The following ERBB4 variants were observed in gnomAD, a reference collection of about 807,000 sequenced individuals.
ERBB4 encodes the protein erb-b2 receptor tyrosine kinase 4.
ERBB4 carries 42 observed loss-of-function variants against 158.0 expected under a neutral mutation model. The observed-to-expected ratio is 0.27, with a 90% CI of 0.21 to 0.34. The LOEUF is 0.34. Among genes scored for constraint, ERBB4 ranks in the 10% least tolerant of loss-of-function variants. The pLI, the probability that ERBB4 is intolerant of heterozygous loss-of-function variation, is 1.00. For synonymous variants in ERBB4, 583 were observed against 558.7 expected, an observed-to-expected ratio of 1.04 and a Z score of -0.61; for missense variants, 1,333 against 1,624.1, an observed-to-expected ratio of 0.82 and a Z score of 3.08.
At chr2:211,920,642 A>C (rs576512643) in intron 3 of ERBB4, among the ~76,000 whole-genome samples, 7 of 151,728 alleles carry the variant, frequency 4.6e-5, no homozygotes, top group African/African-American at 1.4e-4. Context: ...AAGCCCTTTT[A>C]TTCACTTGAA....
intron 1 of ERBB4, among the ~76,000 whole-genome samples, chr2:212,534,648 C>T (rs979402730): frequency 2.6e-5 from 4 of 151,788 alleles, no homozygotes; most frequent in Admixed American, 6.6e-5. Flanking sequence ...TACTTAGTGG[C>T]GGAAGGGAAA....
intron 2 of ERBB4, among the ~76,000 whole-genome samples, chr2:211,948,057 C>G (rs183669534): frequency 5.3e-4 from 80 of 152,238 alleles, no homozygotes; most frequent in Non-Finnish European, 9.1e-4. Flanking sequence ...TAAAATGGCT[C>G]TATTGGTGTT....
intron 16 of ERBB4, among the ~76,000 whole-genome samples, chr2:211,647,194 T>C (rs1189512114): frequency 1.3e-5 from 2 of 151,584 alleles, no homozygotes; most frequent in Admixed American, 1.3e-4. Flanking sequence ...AACTCTTCTT[T>C]TTTTTCAGGA....
At chr2:212,463,750 A>T (rs1487475161) in intron 1 of ERBB4, among the ~76,000 whole-genome samples, 1 of 152,114 alleles carries the variant, frequency 6.6e-6, no homozygotes, top group African/African-American at 2.4e-5. Flanking sequence ...AGCCAGTTTC[A>T]TTCGATTAGC....
In ERBB4 at chr2:211,382,744, G is replaced by T. The variant is rs982533040; in HGVS notation, c.*871C>A. ...TGGAGAAAAAAAAATGTTGAAAAAT[G>T]TAAAGGATGAGGGTGAAGATAATTT... is the stretch of plus-strand genomic sequence containing the variant. On this transcript the variant is annotated 3_prime_UTR_variant, in exon 28 of 28. Transcript: ENST00000342788. 4 of 232,470 alleles carry T rather than the reference G, an allele frequency of 1.7e-5. No individual in the cohort carries two copies. Among genetic ancestry groups the T allele is most frequent in the Non-Finnish European group, 3.4e-5 (4 of 117,700 alleles). The allele number at this position is 232,470 out of a possible 1,614,324, so 14.4% of individuals were successfully genotyped here. A position where few individuals can be genotyped will look rare whatever the true frequency, so the allele number is the denominator to read the frequency against.
Position 211,791,821 on chromosome 2 carries a change from T to A in ERBB4, c.422-3662A>T, listed in dbSNP as rs908562961. Among the ~76,000 whole-genome samples, 4 of 151,960 alleles carry A rather than the reference T, an allele frequency of 2.6e-5. No individual in the cohort carries two copies. The South Asian group carries it at 8.3e-4, about 31-fold the overall frequency. On this transcript the variant is annotated intron_variant, in intron 3 of 27. Coordinates refer to ENST00000342788, the MANE Select transcript of ERBB4 (RefSeq NM_005235.3). ...TTGCTGAAAATTTCCAGTAAACACT[T>A]AAATATGTTTGTGTCTCAAACGTTT...
At chr2:212,238,909 A>ATACT (rs1342127631) in intron 1 of ERBB4, among the ~76,000 whole-genome samples, 2 of 152,148 alleles carry the variant, frequency 1.3e-5, no homozygotes, top group Admixed American at 6.5e-5. Context: ...AGTGCTAAGT[A>ATACT]TACTTACTCC....
At chr2:211,761,190 C>CAAAAAAAAA (rs58277006) in intron 4 of ERBB4, among the ~76,000 whole-genome samples, 2 of 89,942 alleles carry the variant, frequency 2.2e-5, no homozygotes, top group Non-Finnish European at 4.6e-5. Flanking sequence ...TGAGATTCCT[C>CAAAAAAAAA]AAAAAAAAAA....
chr2:212,341,795 T>C (rs1316863688), intron 1 of ERBB4, among the ~76,000 whole-genome samples: 3 of 152,208 alleles, frequency 2.0e-5, no homozygotes, highest in African/African-American at 7.2e-5. Context: ...TGAGTTTACC[T>C]TGGGCTTCAA....
At chr2:212,450,821 G>GAAAAA (rs57931477) in intron 1 of ERBB4, among the ~76,000 whole-genome samples, 7 of 92,848 alleles carry the variant, frequency 7.5e-5, no homozygotes, top group Non-Finnish European at 8.8e-5. Flanking sequence ...TTTCAGCCGA[G>GAAAAA]AAAAAAAAAA....
intron 1 of ERBB4, among the ~76,000 whole-genome samples, chr2:212,511,119 C>T (rs894996490): frequency 1.3e-5 from 2 of 152,022 alleles, no homozygotes; most frequent in Non-Finnish European, 2.9e-5. Context: ...ATTATTTTAC[C>T]TGCAAATACA....
At position 211,910,248 on chromosome 2, in the gene ERBB4, C is replaced by A. The variant is rs546509291; in HGVS notation, c.421+37182G>T. On this transcript the variant is annotated intron_variant, in intron 3 of 27. Transcript: ENST00000342788. ...AATAAATTTAAATTGTTCATATTTG[C>A]AGATGATTAGCTTATAGTTTAATTC... Among the ~76,000 whole-genome samples the A allele has an allele frequency of 3.4e-4, 51 of 151,418 alleles. 4 individuals are homozygous for A. Among genetic ancestry groups the A allele is most frequent in the Middle Eastern group, 6.8e-3 (2 of 292 alleles).
chr2:211,555,985 C>T (rs768371323), intron 20 of ERBB4, among the ~76,000 whole-genome samples: 36 of 152,048 alleles, frequency 2.4e-4, no homozygotes, highest in African/African-American at 7.2e-4. Flanking sequence ...AAATCTTGAA[C>T]GTAAATGGGC....
At chr2:211,414,962 C>G (rs1033942623) in intron 25 of ERBB4, among the ~76,000 whole-genome samples, 3 of 151,944 alleles carry the variant, frequency 2.0e-5, no homozygotes, top group African/African-American at 7.3e-5. Flanking sequence ...ATTTAAATCA[C>G]TTAGCATAGT....
intron 4 of ERBB4, among the ~76,000 whole-genome samples, chr2:211,774,347 C>A (rs1055575457): frequency 4.6e-5 from 7 of 152,138 alleles, no homozygotes; most frequent in African/African-American, 1.7e-4. Flanking sequence ...GCTGGGATTA[C>A]AGGTGTGAGC....
At chr2:212,174,699 A>G (rs953021216) in intron 1 of ERBB4, among the ~76,000 whole-genome samples, 1 of 152,058 alleles carries the variant, frequency 6.6e-6, no homozygotes. Flanking sequence ...GTTTGTTCAT[A>G]CATTTAATCT....
At position 211,936,921 on chromosome 2, in the gene ERBB4, T is replaced by C. The variant is rs58959264; in HGVS notation, c.421+10509A>G. 9.2e-3 allele frequency among the ~76,000 whole-genome samples: 1,408 copies of C among 152,284 alleles called. 19 individuals carry two copies. The highest frequency in any genetic ancestry group is 0.032 in the African/African-American group (1,337 of 41,588). ...GATAAATGGAAAATTCTATTCATCA[T>C]TTACAAAACATTGACCATTTTTATT... On this transcript the variant is annotated intron_variant, in intron 3 of 27. Coordinates refer to ENST00000342788, the MANE Select transcript of ERBB4 (RefSeq NM_005235.3).
intron 1 of ERBB4, among the ~76,000 whole-genome samples, chr2:212,527,174 C>T (rs1433498073): frequency 6.6e-6 from 1 of 151,930 alleles, no homozygotes; most frequent in East Asian, 1.9e-4. Context: ...AATAAACCAT[C>T]TTAAAAACAT....
chr2:212,010,288 C>T (rs1486575174), intron 2 of ERBB4, among the ~76,000 whole-genome samples: 1 of 151,028 alleles, frequency 6.6e-6, no homozygotes, highest in African/African-American at 2.5e-5. Flanking sequence ...TGCAGCAGGA[C>T]TATCAAATCT....
Sources: allele counts gnomAD v4.1 joint callset (sites outside exome capture counted in the v4.1 genomes callset), GRCh38; gene constraint gnomAD v4.1.1; transcripts MANE v1.5; gene names NCBI Gene and HGNC (gene_info 2026-07-23, HGNC 2026-07-21).